The following DZANK1 variants were observed in gnomAD, a reference collection of about 807,000 sequenced individuals.
DZANK1 encodes the protein double zinc ribbon and ankyrin repeat-containing protein 1.
A neutral mutation model predicts 94.5 loss-of-function variants in DZANK1; 91 were observed. The ratio of observed to expected loss-of-function variants is 0.96; its 90% CI spans 0.81 to 1.15. DZANK1 has a LOEUF of 1.15. DZANK1 is among the 50% of genes most tolerant of loss of function. The probability of loss-of-function intolerance (pLI) is 0.00; values close to 1 mark genes in which losing one functional copy is unlikely to be tolerated. For missense variants in DZANK1, 903 were observed against 916.4 expected, an observed-to-expected ratio of 0.99 and a Z score of 0.19; for synonymous variants, 312 against 325.3, an observed-to-expected ratio of 0.96 and a Z score of 0.44.
At chr20:18,440,160 C>G (rs765678838) in intron 8 of DZANK1, among the ~76,000 whole-genome samples, 3 of 152,216 alleles carry the variant, frequency 2.0e-5, no homozygotes, top group Non-Finnish European at 4.4e-5. Flanking sequence ...TGATCTTAAA[C>G]TTCCAGCCTG....
chr20:18,461,621 C>T (rs1373052604), intron 2 of DZANK1, among the ~76,000 whole-genome samples: 5 of 140,048 alleles, frequency 3.6e-5, no homozygotes, highest in Non-Finnish European at 7.6e-5. Context: ...TTTTTTGAGA[C>T]GGAGTTTCAC....
At chr20:18,443,634 C>G (rs566260066) in intron 7 of DZANK1, among the ~76,000 whole-genome samples, 170 bp from the exon 8 acceptor site, 1 of 152,180 alleles carries the variant, frequency 6.6e-6, no homozygotes, top group Admixed American at 6.5e-5. Context: ...GTCATTTGGT[C>G]ATTTTATTGG....
At chr20:18,431,539 T>A (rs2058287448) in intron 9 of DZANK1, among the ~76,000 whole-genome samples, 1 of 152,206 alleles carries the variant, frequency 6.6e-6, no homozygotes. Context: ...CCTTATGACA[T>A]CTGGGAGAGG....
intron 8 of DZANK1, among the ~76,000 whole-genome samples, chr20:18,443,120 G>A (rs1157164810): frequency 6.6e-6 from 1 of 152,166 alleles, no homozygotes; most frequent in Non-Finnish European, 1.5e-5. Context: ...AAAACAATAA[G>A]ATTCCAATCT....
At chr20:18,393,678 C>G (rs564857346) in intron 17 of DZANK1, 33 bp downstream of exon 17, 105 of 1,376,868 alleles carry the variant, frequency 7.6e-5, no homozygotes, top group Middle Eastern at 2.0e-4. Context: ...AGGCTGAAGA[C>G]AACATCCACA....
chr20:18,423,605 T>C (rs2057897493), intron 10 of DZANK1, among the ~76,000 whole-genome samples: 1 of 152,180 alleles, frequency 6.6e-6, no homozygotes, highest in Admixed American at 6.5e-5. Flanking sequence ...TTAAAATAAC[T>C]GAAATTATAC....
Position 18,441,877 on chromosome 20 carries a change from A to G in DZANK1, c.747+1470T>C, listed in dbSNP as rs960586877. The stretch of plus-strand genomic sequence containing the variant: ...GGCTGGGGTGCCAGTGGAACTGAGA[A>G]GCGTCCATGGGACAACACTGAAATT... On this transcript the variant is annotated intron_variant, in intron 8 of 20. Transcript: ENST00000262547. This position sits in a 1 kb window ranked among gnomAD's most constrained non-coding sequence, Gnocchi z 4.1. Among the ~76,000 whole-genome samples, 1 of 152,220 alleles carries G rather than the reference A, an allele frequency of 6.6e-6. No individual in the cohort carries two copies. The highest frequency in any genetic ancestry group is 2.4e-5 in the African/African-American group (1 of 41,446).
chr20:18,427,364 T>C (rs2058090856), intron 9 of DZANK1, among the ~76,000 whole-genome samples: 1 of 151,884 alleles, frequency 6.6e-6, no homozygotes, highest in Non-Finnish European at 1.5e-5. Context: ...TTTCCATTTG[T>C]TTTTGTAGAG....
exon 14 of DZANK1, chr20:18,398,605 T>C (rs2056495341): frequency 1.9e-6 from 3 of 1,613,984 alleles, no homozygotes; most frequent in East Asian, 4.5e-5. Context: ...AGAGATGTGA[T>C]CCAGCTGTCT....
intron 9 of DZANK1, chr20:18,433,139 C>T (rs1600993539): frequency 1.3e-5 from 2 of 152,780 alleles, no homozygotes; most frequent in Admixed American, 1.3e-4. Context: ...GGAATACAAT[C>T]CTACATATCT....
At chr20:18,436,006 TTA>T (rs913386006) in intron 8 of DZANK1, among the ~76,000 whole-genome samples, 3 of 151,998 alleles carry the variant, frequency 2.0e-5, no homozygotes, top group African/African-American at 7.2e-5. Flanking sequence ...AAGAAAAAAC[TTA>T]TGAGACATGC....
chr20:18,384,474 G>A (rs761245722), exon 21 of DZANK1: 3 of 1,612,030 alleles, frequency 1.9e-6, no homozygotes, highest in Non-Finnish European at 2.5e-6. Flanking sequence ...TGGCAGCAAA[G>A]AGTGAGGTGA....
intron 13 of DZANK1, among the ~76,000 whole-genome samples, chr20:18,405,755 G>A (rs2056928326): frequency 6.6e-6 from 1 of 152,198 alleles, no homozygotes; most frequent in Admixed American, 6.5e-5. Flanking sequence ...ACAATACCTG[G>A]TTTTAACTTC....
At chr20:18,464,080 T>C (rs1163866221) in intron 2 of DZANK1, among the ~76,000 whole-genome samples, 2 of 141,382 alleles carry the variant, frequency 1.4e-5, no homozygotes, top group African/African-American at 5.3e-5. Context: ...TTTCTTTTTC[T>C]TTTTTTTTTT....
intron 8 of DZANK1, among the ~76,000 whole-genome samples, chr20:18,440,683 C>T (rs921317862): frequency 3.3e-5 from 5 of 152,094 alleles, no homozygotes; most frequent in African/African-American, 7.2e-5. Flanking sequence ...GTGAGGTTAT[C>T]ACAAACATTT....
intron 6 of DZANK1, chr20:18,452,079 T>A: frequency 2.8e-6 from 1 of 357,342 alleles, no homozygotes; most frequent in Middle Eastern, 4.0e-4. Flanking sequence ...TGGTTTTTTT[T>A]TTTTTTTAAC....
chr20:18,392,183 GAGTCTCCCA>G (rs1275966701), intron 17 of DZANK1, among the ~76,000 whole-genome samples: 2 of 152,200 alleles, frequency 1.3e-5, no homozygotes, highest in Admixed American at 1.3e-4. Flanking sequence ...TAAATAGGTA[GAGTCTCCCA>G]AATTGTAAGC....
At chr20:18,383,453 A>G (rs1456854028) in exon 21 of DZANK1, 1 of 152,214 alleles carries the variant, frequency 6.6e-6, no homozygotes, top group Non-Finnish European at 1.5e-5. Context: ...TGATTTCAAC[A>G]TAAAAAAATT....
chr20:18,465,550 G>T, intron 1 of DZANK1, 173 bp from the exon 2 acceptor site: 1 of 281,192 alleles, frequency 3.6e-6, no homozygotes, highest in Non-Finnish European at 6.6e-6. Flanking sequence ...TTGCTGTTGA[G>T]GTCTTGTGTG....
Sources: gnomAD v4.1 joint callset for allele counts (sites outside exome capture counted in the v4.1 genomes callset) on GRCh38, gnomAD v4.1.1 for gene constraint, Gnocchi (gnomAD v3.1) non-coding constraint, MANE v1.5 for transcripts, NCBI Gene and HGNC (gene_info 2026-07-23, HGNC 2026-07-21) for gene names.